The following CACNA1E variants were observed in gnomAD, a reference collection of about 807,000 sequenced individuals.
The protein encoded by CACNA1E is voltage-dependent R-type calcium channel subunit alpha-1E.
In CACNA1E, 40 loss-of-function variants were observed where a neutral mutation model predicts 259.2. The observed-to-expected ratio is 0.15, with a 90% CI of 0.12 to 0.20. The LOEUF (loss-of-function observed/expected upper bound fraction) is 0.20, where lower values mean the gene tolerates loss of function less well. Ranked by LOEUF, CACNA1E falls within the 10% of genes least tolerant of loss-of-function variation. CACNA1E has a pLI of 1.00. For missense variants in CACNA1E, 1,874 were observed against 3,040.1 expected, an observed-to-expected ratio of 0.62 and a Z score of 9.02; for synonymous variants, 1,104 against 1,138.5, an observed-to-expected ratio of 0.97 and a Z score of 0.61.
At chr1:181,685,112 C>T (rs543931412) in intron 7 of CACNA1E, among the ~76,000 whole-genome samples, 333 of 149,554 alleles carry the variant, frequency 2.2e-3, no homozygotes, top group African/African-American at 7.2e-3. Context: ...ATAGTATATA[C>T]TAATTAGGAG....
At chr1:181,649,511 C>A (rs1011441545) in intron 6 of CACNA1E, among the ~76,000 whole-genome samples, 2 of 152,048 alleles carry the variant, frequency 1.3e-5, no homozygotes, top group Admixed American at 6.5e-5. Context: ...TGCTTACAAC[C>A]CAAAGGAATA....
At chr1:181,614,955 T>C (rs1167530267) in intron 6 of CACNA1E, among the ~76,000 whole-genome samples, 1 of 152,194 alleles carries the variant, frequency 6.6e-6, no homozygotes, top group Non-Finnish European at 1.5e-5. Flanking sequence ...CAAACATGTG[T>C]TGTTCAAGGA....
chr1:181,557,739 C>T (rs1298738508), intron 3 of CACNA1E, among the ~76,000 whole-genome samples: 1 of 152,230 alleles, frequency 6.6e-6, no homozygotes. Flanking sequence ...TGGGCAGAAA[C>T]CATCCATGGG....
At chr1:181,680,142 C>G (rs1482841170) in intron 7 of CACNA1E, among the ~76,000 whole-genome samples, 1 of 146,980 alleles carries the variant, frequency 6.8e-6, no homozygotes, top group Non-Finnish European at 1.5e-5. Context: ...AAAGAGTCCC[C>G]AATCTCAGCA....
intron 6 of CACNA1E, 99 bp from the exon 7 acceptor site, chr1:181,651,239 T>C: frequency 1.3e-6 from 1 of 761,014 alleles, no homozygotes; most frequent in Non-Finnish European, 2.3e-6. Flanking sequence ...CTGTATTGCA[T>C]TGTGGTTTTT....
At chr1:181,322,241 A>G (rs1258538676) in intron 1 of CACNA1E, among the ~76,000 whole-genome samples, 2 of 152,142 alleles carry the variant, frequency 1.3e-5, no homozygotes, top group Non-Finnish European at 2.9e-5. Flanking sequence ...ATACAATAGT[A>G]TACTAACAAC....
chr1:181,499,344 T>C (rs1665045938), intron 1 of CACNA1E, among the ~76,000 whole-genome samples: 1 of 152,242 alleles, frequency 6.6e-6, no homozygotes, highest in Non-Finnish European at 1.5e-5. Flanking sequence ...CCCTTTCTTT[T>C]AGAATTCTCT....
At chr1:181,659,874 T>C (rs1416911328) in intron 7 of CACNA1E, among the ~76,000 whole-genome samples, 1 of 152,204 alleles carries the variant, frequency 6.6e-6, no homozygotes, top group Non-Finnish European at 1.5e-5. Context: ...TTCTAGTTAG[T>C]GCTTATTTTA....
At chr1:181,637,512 C>T (rs1268402049) in intron 6 of CACNA1E, among the ~76,000 whole-genome samples, 1 of 137,232 alleles carries the variant, frequency 7.3e-6, no homozygotes, top group Non-Finnish European at 1.5e-5. Flanking sequence ...TTGTGTCTTT[C>T]TGTCTTTCAT....
At chr1:181,341,836 T>C (rs1652177547) in intron 1 of CACNA1E, among the ~76,000 whole-genome samples, 1 of 152,216 alleles carries the variant, frequency 6.6e-6, no homozygotes, top group African/African-American at 2.4e-5. Flanking sequence ...CATCCATTCA[T>C]TCAAAAAGGT....
At chr1:181,601,849 A>C (rs116483959) in intron 6 of CACNA1E, among the ~76,000 whole-genome samples, 1 of 152,182 alleles carries the variant, frequency 6.6e-6, no homozygotes, top group Admixed American at 6.5e-5. Context: ...GCAAGGGTCT[A>C]CAGGGCCCTC....
chr1:181,565,651 A>G, intron 3 of CACNA1E, among the ~76,000 whole-genome samples: 1 of 152,248 alleles, frequency 6.6e-6, no homozygotes, highest in East Asian at 1.9e-4. Context: ...TATTGTTGTC[A>G]GAGGAAGAGG....
chr1:181,623,090 G>A (rs967232083), intron 6 of CACNA1E, among the ~76,000 whole-genome samples: 2 of 152,170 alleles, frequency 1.3e-5, no homozygotes, highest in Admixed American at 1.3e-4. Flanking sequence ...TGCAATTGAA[G>A]TCCATTTGGT....
intron 44 of CACNA1E, among the ~76,000 whole-genome samples, chr1:181,791,125 A>C (rs1661267559): frequency 1.3e-5 from 2 of 152,188 alleles, no homozygotes; most frequent in Non-Finnish European, 2.9e-5. Context: ...AGACATTCTA[A>C]CAGGCCACTA....
At chr1:181,330,864 G>A (rs58021963) in intron 1 of CACNA1E, among the ~76,000 whole-genome samples, 11,480 of 152,222 alleles carry the variant, frequency 0.075, 561 homozygotes, top group East Asian at 0.15. Context: ...TAACCTCACA[G>A]GATTTGTGTA....
chr1:181,578,943 C>G (rs1014886508), intron 4 of CACNA1E, 129 bp from the exon 5 acceptor site: 3 of 718,046 alleles, frequency 4.2e-6, no homozygotes, highest in Non-Finnish European at 6.5e-6. Context: ...GGAGCACATT[C>G]TAATAAATTT....
At chr1:181,587,198 C>T (rs1652156644) in intron 6 of CACNA1E, among the ~76,000 whole-genome samples, 1 of 152,172 alleles carries the variant, frequency 6.6e-6, no homozygotes, top group Non-Finnish European at 1.5e-5. Context: ...GAAGTAAGGT[C>T]ATCAGCAGAG....
At chr1:181,320,703 CAG>C (rs1421633023) in intron 1 of CACNA1E, among the ~76,000 whole-genome samples, 1 of 152,162 alleles carries the variant, frequency 6.6e-6, no homozygotes, top group Non-Finnish European at 1.5e-5. Context: ...ATCTGACTCA[CAG>C]AGTTAGTCCC....
intron 2 of CACNA1E, chr1:181,413,625 T>A (rs1658042864): frequency 6.6e-6 from 1 of 152,634 alleles, no homozygotes; most frequent in Admixed American, 6.5e-5. Flanking sequence ...TGGCTGGGCC[T>A]GAGGTCGGGG....
Sources: allele counts gnomAD v4.1 joint callset (sites outside exome capture counted in the v4.1 genomes callset), GRCh38; gene constraint gnomAD v4.1.1; transcripts MANE v1.5; gene names NCBI Gene and HGNC (gene_info 2026-07-23, HGNC 2026-07-21).